Variants in MYO15B observed in about 807,000 individuals in gnomAD.
The protein encoded by MYO15B is myosin XVB pseudogene.
In MYO15B, 207 loss-of-function variants were observed where a neutral mutation model predicts 119.3. The observed-to-expected ratio is 1.73, with a 90% CI of 1.55 to 1.95. The LOEUF is 1.95. Ranked by LOEUF, MYO15B falls within the 30% of genes most tolerant of loss-of-function variation. The pLI, the probability that MYO15B is intolerant of heterozygous loss-of-function variation, is 0.00. For missense variants in MYO15B, 2,264 were observed against 1,203.1 expected, an observed-to-expected ratio of 1.88 and a Z score of -13.04; for synonymous variants, 966 against 498.9, an observed-to-expected ratio of 1.94 and a Z score of -12.48.
intron 14 of MYO15B, among the ~76,000 whole-genome samples, chr17:75,598,674 TATATG>T (rs1423664115): frequency 9.9e-5 from 15 of 152,218 alleles, no homozygotes; most frequent in Non-Finnish European, 1.6e-4. Flanking sequence ...GTCACATTAA[TATATG>T]ATATATAATG....
Position 75,602,823 on chromosome 17 carries a change from C to CG in MYO15B, c.3730-7_3730-6insG, listed in dbSNP as rs1283644508. 1.6e-6 allele frequency: 1 copy of CG among 617,960 alleles called. No individual in the cohort carries two copies. The highest frequency in any genetic ancestry group is 2.7e-5 in the Admixed American group (1 of 37,136). The allele number at this position is 617,960 out of a possible 1,614,324, so 38.3% of individuals were successfully genotyped here. ...CGGCCAGCTGACTCAGCCCTTCACC[C>CG]CCACAGCTGGTGGGCAGCCTGTTCC... On this transcript the variant is annotated splice_region_variant and splice_polypyrimidine_tract_variant and intron_variant, in intron 16 of 63. Coordinates refer to ENST00000645453, the Ensembl canonical transcript of MYO15B.
In MYO15B at chr17:75,604,227, G is replaced by A. The variant is rs113899362; in HGVS notation, c.4016+915G>A. ...ACCTCCAACAAGAACCCCTGAGCCC[G>A]GAAGCTGGGTGAGAGGAACCTCCAG... On this transcript the variant is annotated intron_variant, in intron 19 of 63. Transcript: ENST00000645453. Among the ~76,000 whole-genome samples, 324 of 152,176 alleles carry A rather than the reference G, an allele frequency of 2.1e-3. 1 individual carries two copies. The highest frequency in any genetic ancestry group is 7.4e-3 in the African/African-American group (306 of 41,524).
rs1415874398 is a variant in MYO15B, at chr17:75,602,644, A to G, written c.3729+50A>G. The G allele has an allele frequency of 4.8e-6, 3 of 619,938 alleles. No individual in the cohort carries two copies. In the South Asian group the frequency reaches 5.6e-5, roughly 12 times the overall value. The allele number at this position is 619,938 out of a possible 1,614,324, so 38.4% of individuals were successfully genotyped here. ...CCACCCGCTCCATACTCTGTCCCCC[A>G]ATTCTGTCCTTTTCCCCCTGGGCGC... On this transcript the variant is annotated intron_variant, in intron 16 of 63. Coordinates refer to ENST00000645453, the Ensembl canonical transcript of MYO15B.
At chr17:75,604,967 G>A (rs1598796689) in intron 19 of MYO15B, among the ~76,000 whole-genome samples, 2 of 150,844 alleles carry the variant, frequency 1.3e-5, no homozygotes, top group African/African-American at 4.9e-5. Context: ...GAGAAACCCC[G>A]TCTCTACTAA....
intron 34 of MYO15B, 73 bp from the exon 35 acceptor site, chr17:75,615,430 G>C: frequency 1.5e-6 from 1 of 676,558 alleles, no homozygotes; most frequent in Non-Finnish European, 2.7e-6. Context: ...TAGGAGTCCC[G>C]AGTGCACAGT....
At chr17:75,616,545 C>T (rs201049985) in exon 39 of MYO15B, 166 of 702,702 alleles carry the variant, frequency 2.4e-4, no homozygotes, top group East Asian at 1.9e-3. Flanking sequence ...CCTCCTCCCC[C>T]CATCGTGAAG....
chr17:75,596,295 G>C, intron 12 of MYO15B, 165 bp from the exon 13 acceptor site: 1 of 599,882 alleles, frequency 1.7e-6, no homozygotes, highest in Admixed American at 2.9e-5. Context: ...GCAGGGCTGA[G>C]GTAGCCCGTG....
Position 75,625,986 on chromosome 17 carries a change from A to C in MYO15B, c.9072+9A>C. 2 of 700,742 alleles carry C rather than the reference A, an allele frequency of 2.9e-6. No homozygotes were observed. Among genetic ancestry groups the C allele is most frequent in the South Asian group, 1.5e-5 (1 of 67,522 alleles). 43.4% of individuals were successfully genotyped at this position (700,742 alleles called of 1,614,324 possible). ...TGGACCCCAGCTCCCAGGTGGGCAC[A>C]GCTCTTGCCTCAGCACTGGCCTAGG... On this transcript the variant is annotated intron_variant, in intron 62 of 63. Coordinates refer to ENST00000645453, the Ensembl canonical transcript of MYO15B.
chr17:75,590,535 ACTTGCCAGGGTCC>A (rs918142438), intron 1 of MYO15B, 78 bp from the exon 2 acceptor site: 12 of 342,374 alleles, frequency 3.5e-5, no homozygotes, highest in Non-Finnish European at 5.2e-5. Flanking sequence ...AAGTTGAATG[ACTTGCCAGGGTCC>A]CTGCAGTGGG....
exon 27 of MYO15B, chr17:75,613,090 G>C: frequency 1.4e-6 from 1 of 702,684 alleles, no homozygotes; most frequent in Non-Finnish European, 2.6e-6. Flanking sequence ...TCTTTAGCCA[G>C]CTGGTGGCCC....
chr17:75,591,760 C>A, intron 5 of MYO15B, 48 bp downstream of exon 5: 1 of 702,556 alleles, frequency 1.4e-6, no homozygotes, highest in Non-Finnish European at 2.6e-6. Flanking sequence ...GGCCGTCTGT[C>A]TTCCTCCAGG....
chr17:75,597,770 G>T (rs1449464504), intron 14 of MYO15B, among the ~76,000 whole-genome samples: 1 of 152,132 alleles, frequency 6.6e-6, no homozygotes, highest in Non-Finnish European at 1.5e-5. Flanking sequence ...ACAACAATTA[G>T]CCTGGTGTGG....
chr17:75,617,723 T>TG, intron 41 of MYO15B, 87 bp from the exon 42 acceptor site: 1 of 627,514 alleles, frequency 1.6e-6, no homozygotes, highest in South Asian at 1.8e-5. Flanking sequence ...GGAAGGCTCG[T>TG]GGGGATGAAG....
exon 1 of MYO15B, chr17:75,588,839 C>A: frequency 2.5e-6 from 1 of 398,458 alleles, no homozygotes; most frequent in Non-Finnish European, 4.4e-6. Flanking sequence ...GCCTCCAGGA[C>A]CTTCGAGGAC....
chr17:75,610,372 G>A (rs1727998792), intron 22 of MYO15B, 113 bp downstream of exon 22: 1 of 568,292 alleles, frequency 1.8e-6, no homozygotes, highest in Non-Finnish European at 3.2e-6. Context: ...CACGGGCTGT[G>A]GCTTCAGACA....
At chr17:75,591,013 C>T (rs1568110407) in exon 3 of MYO15B, 5 of 620,328 alleles carry the variant, frequency 8.1e-6, no homozygotes, top group Non-Finnish European at 1.5e-5. Flanking sequence ...CTCAGCACCA[C>T]TCCGTATGTG....
chr17:75,594,964 G>A (rs781745702), exon 12 of MYO15B: 40 of 703,054 alleles, frequency 5.7e-5, no homozygotes, highest in Admixed American at 1.6e-4. Flanking sequence ...GGATGCCTAC[G>A]GCTTTGAGGT....
At chr17:75,624,349 C>T (rs1904303631) in intron 56 of MYO15B, 21 bp from the exon 57 acceptor site, 1 of 702,746 alleles carries the variant, frequency 1.4e-6, no homozygotes, top group East Asian at 2.7e-5. Context: ...GGCCGACTGA[C>T]CCTGCAACCT....
At chr17:75,620,769 G>GC (rs1363798323) in intron 49 of MYO15B, 133 bp downstream of exon 49, 2 of 700,680 alleles carry the variant, frequency 2.9e-6, no homozygotes, top group Non-Finnish European at 5.2e-6. Context: ...CTGCCCCTCT[G>GC]CCCGCTCCTG....
Sources: gnomAD v4.1 joint callset for allele counts (sites outside exome capture counted in the v4.1 genomes callset) on GRCh38, gnomAD v4.1.1 for gene constraint, MANE v1.5 for transcripts, NCBI Gene and HGNC (gene_info 2026-07-23, HGNC 2026-07-21) for gene names.